EYS: variants seen among roughly 807,000 people sequenced by gnomAD.
EYS encodes the protein protein eyes shut homolog.
In EYS, 250 loss-of-function variants were observed where a neutral mutation model predicts 282.1. That is an observed-to-expected ratio of 0.89 (90% confidence interval 0.80 to 0.98). The LOEUF is 0.98. Ranked by LOEUF, EYS falls within the 50% of genes least tolerant of loss-of-function variation. The pLI is 0.00. For synonymous variants in EYS, 1,355 were observed against 1,282.9 expected (o/e 1.06, Z -1.20); for missense variants, 4,016 against 3,709.0 (o/e 1.08, Z -2.15).
intron 29 of EYS, among the ~76,000 whole-genome samples, chr6:64,375,699 G>C (rs1433362842): frequency 6.6e-6 from 1 of 152,160 alleles, no homozygotes; most frequent in Non-Finnish European, 1.5e-5. Flanking sequence ...AGAATGAGGA[G>C]TAAAGAAGAG....
At chr6:65,670,037 C>T (rs939381658) in intron 1 of EYS, among the ~76,000 whole-genome samples, 1 of 151,968 alleles carries the variant, frequency 6.6e-6, no homozygotes, top group African/African-American at 2.4e-5. Flanking sequence ...ACATGTAACC[C>T]ATATGCTACT....
rs572610130 is a variant in EYS, at chr6:64,361,999, C to T, written c.6078+26691G>A. Reference sequence around the variant, plus strand: ...TTTAGATTGTTTAGTCAAATTTTTCCAGAAAAATTTTTAATTTTGTTTATA... The same window carrying T: ...TTTAGATTGTTTAGTCAAATTTTTCTAGAAAAATTTTTAATTTTGTTTATA... On this transcript the variant is annotated intron_variant, in intron 29 of 42. Coordinates refer to ENST00000503581, the MANE Select transcript of EYS (RefSeq NM_001142800.2). Among the ~76,000 whole-genome samples the T allele has an allele frequency of 1.6e-4, 25 of 151,748 alleles. No homozygotes were observed. In the South Asian group the frequency reaches 5.2e-3, roughly 31 times the overall value.
At chr6:65,119,631 T>C (rs1236816726) in intron 12 of EYS, among the ~76,000 whole-genome samples, 1 of 43,546 alleles carries the variant, frequency 2.3e-5, no homozygotes, top group Non-Finnish European at 4.8e-5. Context: ...CCTTTTTATC[T>C]TTTTTTTTTT....
At chr6:65,599,998 C>T (rs1429607922) in intron 2 of EYS, among the ~76,000 whole-genome samples, 2 of 152,072 alleles carry the variant, frequency 1.3e-5, no homozygotes, top group African/African-American at 4.8e-5. Flanking sequence ...GTGAGTCTCT[C>T]AGCTTAGAAA....
chr6:65,127,185 C>T (rs900659810), intron 12 of EYS, among the ~76,000 whole-genome samples: 10 of 152,004 alleles, frequency 6.6e-5, no homozygotes, highest in Non-Finnish European at 1.2e-4. Flanking sequence ...CTACTTAAAT[C>T]CTTCAGTTAG....
chr6:64,985,182 T>A (rs764839739), intron 14 of EYS, among the ~76,000 whole-genome samples: 5 of 151,548 alleles, frequency 3.3e-5, no homozygotes, highest in East Asian at 1.9e-4. Flanking sequence ...CTGAAGACCA[T>A]CCTTGTCAAA....
In EYS at chr6:63,953,546, C is replaced by T. The variant is rs963796343; in HGVS notation, c.7055+30837G>A. 6.6e-5 allele frequency among the ~76,000 whole-genome samples: 10 copies of T among 152,276 alleles called. No individual in the cohort carries two copies. The South Asian group carries it at 1.7e-3, about 25-fold the overall frequency. ...TCTGGCTAAACTCCAAAACCCCAACCCTTTCTACAAAACAACAACTCCTTT... is the reference window on the plus strand; with the variant it reads ...TCTGGCTAAACTCCAAAACCCCAACTCTTTCTACAAAACAACAACTCCTTT... On this transcript the variant is annotated intron_variant, in intron 35 of 42. Transcript: ENST00000503581.
At chr6:65,682,406 G>T (rs960411342) in intron 1 of EYS, among the ~76,000 whole-genome samples, 20 of 151,676 alleles carry the variant, frequency 1.3e-4, no homozygotes, top group African/African-American at 4.8e-4. Flanking sequence ...ATCTTCCAAG[G>T]CTTTTAGCTA....
intron 29 of EYS, among the ~76,000 whole-genome samples, chr6:64,313,621 G>C (rs542250572): frequency 1.3e-5 from 2 of 152,136 alleles, no homozygotes; most frequent in East Asian, 3.9e-4. Context: ...AAATGTTAAG[G>C]GCAGCCAGAG....
chr6:65,163,606 A>G (rs1287959149), intron 12 of EYS, among the ~76,000 whole-genome samples: 1 of 151,318 alleles, frequency 6.6e-6, no homozygotes, highest in Admixed American at 6.6e-5. Context: ...GATTGCCAAT[A>G]TAGTTATTCT....
intron 13 of EYS, among the ~76,000 whole-genome samples, chr6:65,000,400 A>G (rs1042659374): frequency 3.9e-5 from 6 of 152,240 alleles, no homozygotes; most frequent in Non-Finnish European, 7.3e-5. Context: ...TGTACCAGAC[A>G]TCATATATAC....
chr6:64,917,012 AG>A, intron 15 of EYS, among the ~76,000 whole-genome samples: 1 of 152,346 alleles, frequency 6.6e-6, no homozygotes, highest in African/African-American at 2.4e-5. Flanking sequence ...GCACTTTGGG[AG>A]TCCGAGGCGG....
intron 2 of EYS, among the ~76,000 whole-genome samples, chr6:65,529,384 GAAGA>G (rs1379845408): frequency 6.6e-6 from 1 of 152,150 alleles, no homozygotes; most frequent in Non-Finnish European, 1.5e-5. Flanking sequence ...CAAAGAATGT[GAAGA>G]AAGATCTGGC....
chr6:64,272,835 CAT>C (rs1190403977), intron 30 of EYS, among the ~76,000 whole-genome samples: 1 of 151,994 alleles, frequency 6.6e-6, no homozygotes, highest in Non-Finnish European at 1.5e-5. Context: ...TAATCTTACA[CAT>C]GTTGTATTTT....
intron 1 of EYS, among the ~76,000 whole-genome samples, chr6:65,679,833 T>G (rs2149837723): frequency 6.6e-6 from 1 of 152,036 alleles, no homozygotes; most frequent in African/African-American, 2.4e-5. Flanking sequence ...CTGTTATTAA[T>G]CTCAAGTCGT....
intron 39 of EYS, among the ~76,000 whole-genome samples, chr6:63,785,136 G>A (rs1317152447): frequency 6.6e-6 from 1 of 152,152 alleles, no homozygotes; most frequent in African/African-American, 2.4e-5. Context: ...TAGAGGGACT[G>A]GTAGCAATAG....
intron 35 of EYS, among the ~76,000 whole-genome samples, chr6:63,942,661 C>A (rs1464452543): frequency 2.0e-5 from 3 of 152,032 alleles, no homozygotes; most frequent in Non-Finnish European, 4.4e-5. Flanking sequence ...GACATTGAAA[C>A]TAAAGCAAAC....
intron 2 of EYS, among the ~76,000 whole-genome samples, chr6:65,601,692 C>T (rs868601271): frequency 2.0e-5 from 3 of 151,790 alleles, no homozygotes; most frequent in African/African-American, 2.4e-5. Flanking sequence ...TAATTTTTCT[C>T]GAAACACAGA....
intron 31 of EYS, among the ~76,000 whole-genome samples, chr6:64,125,566 G>C (rs143668656): frequency 0.014 from 2,083 of 151,686 alleles, 43 homozygotes; most frequent in African/African-American, 0.047. Context: ...CGGGCGGATC[G>C]TGAGGTCAGG....
Sources: allele counts gnomAD v4.1 joint callset (sites outside exome capture counted in the v4.1 genomes callset), GRCh38; gene constraint gnomAD v4.1.1; transcripts MANE v1.5; gene names NCBI Gene and HGNC (gene_info 2026-07-23, HGNC 2026-07-21).